Variants in DPH2 observed in about 807,000 individuals in gnomAD.
DPH2 encodes the protein 2-(3-amino-3-carboxypropyl)histidine synthase subunit 2.
A neutral mutation model predicts 42.5 loss-of-function variants in DPH2; 28 were observed. The observed-to-expected ratio is 0.66, with a 90% CI of 0.49 to 0.90. The LOEUF (loss-of-function observed/expected upper bound fraction) is 0.90, where lower values mean the gene tolerates loss of function less well. DPH2 is among the 40% of genes least tolerant of loss of function. The pLI is 0.00. For missense variants in DPH2, 576 were observed against 636.0 expected (o/e 0.91, Z 1.01); for synonymous variants, 279 against 264.4 (o/e 1.06, Z -0.53).
At chr1:43,970,429 C>G in intron 1 of DPH2, 107 bp downstream of exon 1, 1 of 1,545,146 alleles carries the variant, frequency 6.5e-7, no homozygotes, top group Non-Finnish European at 8.8e-7. Context: ...GGGAATCAGT[C>G]TGTCCGCAGC....
Position 43,970,717 on chromosome 1 carries a change from T to G in DPH2, c.260+9T>G. ...GACACAGCCTACGGCAGGTGTGAAC[T>G]TGGCCTTAGGTGGGCCAGGCCTGGG... On this transcript the variant is annotated intron_variant, in intron 2 of 5. Coordinates refer to ENST00000255108, the MANE Select transcript of DPH2 (RefSeq NM_001384.5). 1 of 1,613,704 alleles carries G rather than the reference T, an allele frequency of 6.2e-7. No individual in the cohort carries two copies. The highest frequency in any genetic ancestry group is 8.5e-7 in the Non-Finnish European group (1 of 1,179,612).
rs993238442 is a variant in DPH2, at chr1:43,970,525, C to T, written c.148-71C>T. On this transcript the variant is annotated intron_variant, in intron 1 of 5. Transcript: ENST00000255108. ...GGCTTTGAAGGTTGAGTGGGAGCTC[C>T]TGGAAGATTGCTTTAAAGAAGCCCT... is the stretch of plus-strand genomic sequence containing the variant. 8.3e-6 allele frequency: 13 copies of T among 1,573,060 alleles called. No homozygotes were observed. In the African/African-American group the frequency reaches 1.5e-4, roughly 18 times the overall value.
intron 3 of DPH2, 30 bp from the exon 4 acceptor site, chr1:43,971,357 C>T (rs2085417902): frequency 6.5e-7 from 1 of 1,549,784 alleles, no homozygotes; most frequent in Non-Finnish European, 8.7e-7. Flanking sequence ...TGCCAGGCTC[C>T]AACCTCAACA....
chr1:43,970,953 A>G lies in DPH2; in HGVS notation c.261-13A>G, dbSNP rs1210547628. The stretch of plus-strand genomic sequence containing the variant: ...GAAGAGAACCCATTTCTCTGATGCT[A>G]TCTTCCCTGCAGCTGCTGCGTGGAT... On this transcript the variant is annotated splice_polypyrimidine_tract_variant and intron_variant, in intron 2 of 5. Coordinates refer to ENST00000255108, the MANE Select transcript of DPH2 (RefSeq NM_001384.5). 2 of 1,567,056 alleles carry G rather than the reference A, an allele frequency of 1.3e-6. No homozygotes were observed. The highest frequency in any genetic ancestry group is 2.3e-5 in the East Asian group (1 of 42,822).
Position 43,972,872 on chromosome 1 carries a change from T to C in DPH2, c.*333T>C. 7.1e-6 allele frequency: 2 copies of C among 283,166 alleles called. No homozygotes were observed. Among genetic ancestry groups the C allele is most frequent in the Non-Finnish European group, 6.8e-6 (1 of 146,784 alleles). The allele number at this position is 283,166 out of a possible 1,614,324, so 17.5% of individuals were successfully genotyped here. A position where few individuals can be genotyped will look rare whatever the true frequency, so the allele number is the denominator to read the frequency against. On this transcript the variant is annotated 3_prime_UTR_variant, in exon 6 of 6. Coordinates refer to ENST00000255108, the MANE Select transcript of DPH2 (RefSeq NM_001384.5). ...GGCTGCAGTTGAGGGTCTGTCCTTG[T>C]CAAAAGGCAGGTGCTAGACAGTCTA...
chr1:43,971,285 T>C (rs1385454518), intron 3 of DPH2, 96 bp downstream of exon 3: 1 of 1,533,454 alleles, frequency 6.5e-7, no homozygotes, highest in Non-Finnish European at 8.8e-7. Context: ...ACTCTTGATA[T>C]GGGCTTGGCC....
At position 43,972,634 on chromosome 1, in the gene DPH2, C is replaced by G. The variant is rs562527157; in HGVS notation, c.*95C>G. ...AACCTCCCATCCCCCTGCCAAGATCCTTGAAGGACCCTGGAAGGAGGGAGA... is the reference window on the plus strand; with the variant it reads ...AACCTCCCATCCCCCTGCCAAGATCGTTGAAGGACCCTGGAAGGAGGGAGA... On this transcript the variant is annotated 3_prime_UTR_variant, in exon 6 of 6. Coordinates refer to ENST00000255108, the MANE Select transcript of DPH2 (RefSeq NM_001384.5). The G allele has an allele frequency of 6.5e-7, 1 of 1,548,042 alleles. No homozygotes were observed. Among genetic ancestry groups the G allele is most frequent in the African/African-American group, 1.4e-5 (1 of 73,514 alleles).
rs2085421433 is a variant in DPH2, at chr1:43,971,469, G to C, written c.567G>C (p.Leu189=). 2 of 1,613,934 alleles carry C rather than the reference G, an allele frequency of 1.2e-6. No homozygotes were observed. The highest frequency in any genetic ancestry group is 3.3e-5 in the Admixed American group (2 of 59,990). The stretch of plus-strand genomic sequence containing the variant: ...CTTTTCCCCAACCAGTGGGTTCCCT[G>C]AGTCCAGAGCCTATGCCCCTAGAGC... ...SPAFPQPVGS[L]SPEPMPLERF... Residue 189 remains leucine (L), a synonymous_variant, in exon 4 of 6, where the codon CTG becomes CTC. Transcript: ENST00000255108.
chr1:43,971,727 A>T lies in DPH2; in HGVS notation c.825A>T (p.Val275=), dbSNP rs2085431157. The T allele has an allele frequency of 6.2e-7, 1 of 1,611,136 alleles. No individual in the cohort carries two copies. Among genetic ancestry groups the T allele is most frequent in the Admixed American group, 1.7e-5 (1 of 60,006 alleles). The change falls in exon 4 of 6, where the codon GTA becomes GTT. Residue 275 remains valine (V), a synonymous_variant. Coordinates refer to ENST00000255108, the MANE Select transcript of DPH2 (RefSeq NM_001384.5). ...GRLRARRRYL[V]ERARDARVVG... ...TAAGGGCACGAAGACGATATCTGGT[A>T]GAGAGGGCCAGAGATGCCCGCGTGG...
chr1:43,972,714 C>T lies in DPH2; in HGVS notation c.*175C>T, dbSNP rs1280394937. 6.9e-5 allele frequency: 59 copies of T among 860,544 alleles called. No homozygotes were observed. Among genetic ancestry groups the T allele is most frequent in the African/African-American group, 1.0e-4 (6 of 58,760 alleles). 53.3% of individuals were successfully genotyped at this position (860,544 alleles called of 1,614,324 possible). A position where few individuals can be genotyped will look rare whatever the true frequency, so the allele number is the denominator to read the frequency against. ...TCTCTGTCCTGTCCTGGCACTGGCA[C>T]AAGCTCAGCACATGCCCAGTAATGC... On this transcript the variant is annotated 3_prime_UTR_variant, in exon 6 of 6. Coordinates refer to ENST00000255108, the MANE Select transcript of DPH2 (RefSeq NM_001384.5).
At position 43,971,861 on chromosome 1, in the gene DPH2, G is replaced by C. The variant is rs1221926956; in HGVS notation, c.959G>C (p.Gly320Ala). 6.2e-7 allele frequency: 1 copy of C among 1,614,072 alleles called. No individual in the cohort carries two copies. Among genetic ancestry groups the C allele is most frequent in the Non-Finnish European group, 8.5e-7 (1 of 1,180,036 alleles). Reference sequence around the variant, plus strand: ...AAGCGTAGCTATGTGTTGGCCCTGGGGCGGCCCACCCCTGCCAAGCTTGCC... The same window carrying C: ...AAGCGTAGCTATGTGTTGGCCCTGGCGCGGCCCACCCCTGCCAAGCTTGCC... ...AGKRSYVLAL[G>A]RPTPAKLANF... The change falls in exon 4 of 6, where the codon GGG (glycine) becomes GCG (alanine). Residue 320 changes from glycine to alanine, a missense_variant. Around this residue, in one of 3 missense-constraint regions of DPH2, gnomAD observed 395 missense variants for 435.2 expected, o/e 0.91. Transcript: ENST00000255108.
chr1:43,972,121 G>A (rs1557642873), intron 4 of DPH2, 37 bp from the exon 5 acceptor site: 2 of 1,609,902 alleles, frequency 1.2e-6, no homozygotes, highest in African/African-American at 1.3e-5. Context: ...ACGGAGTCAG[G>A]GGGTGAGTAT....
rs2085414157 is a variant in DPH2 at position 43,971,182 on chromosome 1, T to C, written c.477T>C (p.His159=). 5 of 1,554,148 alleles carry C rather than the reference T, an allele frequency of 3.2e-6. No homozygotes were observed. The highest frequency in any genetic ancestry group is 3.5e-6 in the Non-Finnish European group (4 of 1,148,022). Residue 159 remains histidine, a synonymous_variant, in exon 3 of 6, where the codon CAT becomes CAC. Transcript: ENST00000255108. ...VVLLSEPACA[H]ALEALATLLR... is the part of the protein sequence containing the mutation. ...TGCTGAGTGAGCCGGCCTGTGCCCA[T>C]GCCCTGGGTAAGGGGTTTTGCCTGT... is the stretch of plus-strand genomic sequence containing the variant.
chr1:43,972,125 T>C, intron 4 of DPH2, 33 bp from the exon 5 acceptor site: 3 of 1,609,918 alleles, frequency 1.9e-6, no homozygotes, highest in Non-Finnish European at 2.5e-6. Context: ...AGTCAGGGGG[T>C]GAGTATGGAT....
At position 43,972,598 on chromosome 1, in the gene DPH2, C is replaced by T; in HGVS notation, c.*59C>T. ...TGAATGGCTGCTAGGACCTTTAGTG[C>T]TCCCTGCACCAACCTCCCATCCCCC... On this transcript the variant is annotated 3_prime_UTR_variant, in exon 6 of 6. Transcript: ENST00000255108. The T allele has an allele frequency of 2.5e-6, 4 of 1,595,038 alleles. No individual in the cohort carries two copies. Among genetic ancestry groups the T allele is most frequent in the Non-Finnish European group, 3.4e-6 (4 of 1,168,528 alleles).
Position 43,971,564 on chromosome 1 carries a change from G to A in DPH2, c.662G>A (p.Gly221Asp). The A allele has an allele frequency of 1.2e-6, 2 of 1,614,146 alleles. No individual in the cohort carries two copies. The highest frequency in any genetic ancestry group is 1.7e-6 in the Non-Finnish European group (2 of 1,179,984). ...LEEYGAFYVG[G>D]SKASPDPDLD... Reference sequence around the variant, plus strand: ...GAGTATGGTGCCTTCTATGTAGGGGGCTCTAAGGCCAGCCCTGACCCAGAC... The same window carrying A: ...GAGTATGGTGCCTTCTATGTAGGGGACTCTAAGGCCAGCCCTGACCCAGAC... Residue 221 changes from glycine (G) to aspartate (D), a missense_variant, in exon 4 of 6, where the codon GGC becomes GAC. Around this residue, in one of 3 missense-constraint regions of DPH2, gnomAD observed 395 missense variants for 435.2 expected, o/e 0.91. Transcript: ENST00000255108.
rs754443057 is a variant in DPH2, at chr1:43,970,338, G to A, written c.147+16G>A. 6.2e-7 allele frequency: 1 copy of A among 1,611,628 alleles called. No homozygotes were observed. The highest frequency in any genetic ancestry group is 2.2e-5 in the East Asian group (1 of 44,850). On this transcript the variant is annotated intron_variant, in intron 1 of 5. Transcript: ENST00000255108. ...GTGTGAACGAGTGAGGACAGACTTA[G>A]GGAAGGGTGGCTCGCCTCTGTCGGG... is the stretch of plus-strand genomic sequence containing the variant.
Position 43,972,021 on chromosome 1 carries a change from A to G in DPH2, c.1119A>G (p.Pro373=). The part of the protein sequence containing the change: ...ELEAACNPAW[P]PPGLAPHLTH... Reference sequence around the variant, plus strand: ...AAGCTGCCTGCAACCCTGCCTGGCCACCTCCAGGCCTGGCTCCCCACCTCA... The same window carrying G: ...AAGCTGCCTGCAACCCTGCCTGGCCGCCTCCAGGCCTGGCTCCCCACCTCA... Residue 373 remains proline, a synonymous_variant, in exon 4 of 6, where the codon CCA becomes CCG. Transcript: ENST00000255108. 1 of 1,614,034 alleles carries G rather than the reference A, an allele frequency of 6.2e-7. No homozygotes were observed. The highest frequency in any genetic ancestry group is 8.5e-7 in the Non-Finnish European group (1 of 1,180,006).
Position 43,972,763 on chromosome 1 carries a change from AGGGCTTAG to A in DPH2, c.*227_*234del. 1.7e-6 allele frequency: 1 copy of A among 600,260 alleles called. No homozygotes were observed. Among genetic ancestry groups the A allele is most frequent in the Non-Finnish European group, 2.8e-6 (1 of 355,258 alleles). The allele number at this position is 600,260 out of a possible 1,614,324, so 37.2% of individuals were successfully genotyped here. A position where few individuals can be genotyped will look rare whatever the true frequency, so the allele number is the denominator to read the frequency against. ...GCGTGTTGTTTGGCTGATGGAATAA[AGGGCTTAG>A]GGACTTCCCTGAGGCCTCTGGACCC... On this transcript the variant is annotated 3_prime_UTR_variant, in exon 6 of 6. Coordinates refer to ENST00000255108, the MANE Select transcript of DPH2 (RefSeq NM_001384.5).
Sources: gnomAD v4.1 joint callset for allele counts on GRCh38, gnomAD v4.1.1 for gene constraint, gnomAD v4.1.1 regional missense constraint, MANE v1.5 for transcripts, NCBI Gene and HGNC (gene_info 2026-07-23, HGNC 2026-07-21) for gene names.